The following KL variants were observed in gnomAD, a reference collection of about 807,000 sequenced individuals.
The protein encoded by KL is klotho.
A neutral mutation model predicts 84.2 loss-of-function variants in KL; 62 were observed. The observed-to-expected ratio is 0.74, with a 90% CI of 0.60 to 0.91. KL has a LOEUF of 0.91. Among genes scored for constraint, KL ranks in the 40% least tolerant of loss-of-function variants. The pLI, the probability that KL is intolerant of heterozygous loss-of-function variation, is 0.00. For synonymous variants in KL, 528 were observed against 528.0 expected (o/e 1.00, Z 0.00); for missense variants, 1,261 against 1,305.7 (o/e 0.97, Z 0.53).
chr13:33,041,749 C>G (rs926482347), intron 1 of KL, among the ~76,000 whole-genome samples: 4 of 152,148 alleles, frequency 2.6e-5, no homozygotes, highest in African/African-American at 9.7e-5. Context: ...TCTACCGCCT[C>G]TGCCCAATCC....
intron 1 of KL, among the ~76,000 whole-genome samples, chr13:33,042,516 A>G (rs929518613): frequency 2.0e-5 from 3 of 152,116 alleles, no homozygotes; most frequent in Non-Finnish European, 4.4e-5. Flanking sequence ...AATCTACACA[A>G]TCTTTTTGAC....
At chr13:33,038,553 A>G (rs1044980273) in intron 1 of KL, among the ~76,000 whole-genome samples, 1 of 152,228 alleles carries the variant, frequency 6.6e-6, no homozygotes, top group African/African-American at 2.4e-5. Context: ...ATGGTCAAAA[A>G]CATTTTGGTG....
Position 33,016,932 on chromosome 13 carries a change from C to T in KL, c.492C>T (p.Val164=), listed in dbSNP as rs750452520. 1.1e-5 allele frequency: 18 copies of T among 1,609,540 alleles called. No individual in the cohort carries two copies. The South Asian group carries it at 1.8e-4, about 16-fold the overall frequency. ...ARVLPNGSAG[V]PNREGLRYYR... ...TGCTCCCCAATGGCAGCGCGGGCGT[C>T]CCCAACCGCGAGGGGCTGCGCTACT... Residue 164 remains valine (V), a synonymous_variant, in exon 1 of 5, where the codon GTC becomes GTT. Transcript: ENST00000380099.
intron 1 of KL, among the ~76,000 whole-genome samples, chr13:33,037,938 G>A (rs1476402913): frequency 6.6e-6 from 1 of 152,134 alleles, no homozygotes; most frequent in East Asian, 1.9e-4. Context: ...AATGCACCAT[G>A]CTCTTTTTAT....
intron 1 of KL, among the ~76,000 whole-genome samples, chr13:33,026,880 G>T (rs985583852): frequency 6.6e-6 from 1 of 152,154 alleles, no homozygotes; most frequent in Non-Finnish European, 1.5e-5. Flanking sequence ...ATAATATACT[G>T]GTTCTTGCAT....
chr13:33,064,248 C>CATTT lies in KL; in HGVS notation c.*63_*66dup. The CATTT allele has an allele frequency of 8.3e-7, 1 of 1,210,910 alleles. No individual in the cohort carries two copies. Among genetic ancestry groups the CATTT allele is most frequent in the Non-Finnish European group, 1.2e-6 (1 of 837,142 alleles). The allele number at this position is 1,210,910 out of a possible 1,614,324, so 75.0% of individuals were successfully genotyped here. Reference sequence around the variant, plus strand: ...TTATGCAGACACATCAGCTGTTAACCATTTGCACCTCTAAGTGTTGTGAAA... The same window carrying CATTT: ...TTATGCAGACACATCAGCTGTTAACCATTTATTTGCACCTCTAAGTGTTGTGAAA... On this transcript the variant is annotated 3_prime_UTR_variant, in exon 5 of 5. Coordinates refer to ENST00000380099, the MANE Select transcript of KL (RefSeq NM_004795.4).
At chr13:33,017,480 C>T in intron 1 of KL, among the ~76,000 whole-genome samples, 1 of 152,156 alleles carries the variant, frequency 6.6e-6, no homozygotes, top group Non-Finnish European at 1.5e-5. Flanking sequence ...CCCTTGGAGT[C>T]CATCTGTGGA....
At position 33,016,609 on chromosome 13, in the gene KL, T is replaced by C; in HGVS notation, c.169T>C (p.Phe57Leu). 3.9e-6 allele frequency: 6 copies of C among 1,531,106 alleles called. No homozygotes were observed. The highest frequency in any genetic ancestry group is 4.4e-6 in the Non-Finnish European group (5 of 1,137,666). The allele number at this position is 1,531,106 out of a possible 1,614,324, so 94.8% of individuals were successfully genotyped here. ...RPPAPEAAGL[F>L]QGTFPDGFLW... ...TCCTGCCCCCGAGGCCGCGGGCCTC[T>C]TCCAGGGCACCTTCCCCGACGGCTT... Residue 57 changes from phenylalanine to leucine, a missense_variant, in exon 1 of 5, where the codon TTC (phenylalanine) becomes CTC (leucine). Transcript: ENST00000380099.
Position 33,064,189 on chromosome 13 carries a change from C to A in KL, c.*3C>A. ...AAGGCAGAAGAAGTTACAAATAGTT[C>A]TGAACATTTTTCTATTCATTCATTT... On this transcript the variant is annotated 3_prime_UTR_variant, in exon 5 of 5. Transcript: ENST00000380099. 1 of 1,582,534 alleles carries A rather than the reference C, an allele frequency of 6.3e-7. No individual in the cohort carries two copies. The highest frequency in any genetic ancestry group is 1.1e-5 in the South Asian group (1 of 89,660).
intron 1 of KL, among the ~76,000 whole-genome samples, chr13:33,038,104 A>T (rs1408809309): frequency 6.6e-6 from 1 of 152,188 alleles, no homozygotes; most frequent in Non-Finnish European, 1.5e-5. Flanking sequence ...GCAATGGATG[A>T]TTTTGAGCAT....
rs140997229 is a variant in KL, at chr13:33,049,995, C to T, written c.820-3772C>T. Among the ~76,000 whole-genome samples the T allele has an allele frequency of 4.4e-3, 664 of 152,174 alleles. 6 individuals are homozygous for T. The highest frequency in any genetic ancestry group is 0.015 in the African/African-American group (625 of 41,508). On this transcript the variant is annotated intron_variant, in intron 1 of 4. Transcript: ENST00000380099. ...TAAACTCTACTTGCTATTTTATAACCTTTTTCTGTTCAGAGTATTTTAGAA... is the reference window on the plus strand; with the variant it reads ...TAAACTCTACTTGCTATTTTATAACTTTTTTCTGTTCAGAGTATTTTAGAA...
At chr13:33,048,517 C>G (rs1037346965) in intron 1 of KL, among the ~76,000 whole-genome samples, 1 of 152,228 alleles carries the variant, frequency 6.6e-6, no homozygotes, top group Admixed American at 6.5e-5. Flanking sequence ...CTCACAAAAT[C>G]TTGTCCTGTG....
intron 1 of KL, among the ~76,000 whole-genome samples, chr13:33,034,540 C>CAA (rs139240544): frequency 3.4e-5 from 5 of 146,544 alleles, no homozygotes; most frequent in African/African-American, 5.0e-5. Context: ...TGAGTGCCAC[C>CAA]AAAAAAAAAA....
At chr13:33,052,493 G>A (rs182687889) in intron 1 of KL, among the ~76,000 whole-genome samples, 34 of 152,184 alleles carry the variant, frequency 2.2e-4, no homozygotes, top group Admixed American at 9.8e-4. Flanking sequence ...GCTTCAGGTC[G>A]TGAAAAAATA....
At chr13:33,026,149 G>A (rs559968475) in intron 1 of KL, among the ~76,000 whole-genome samples, 2 of 151,968 alleles carry the variant, frequency 1.3e-5, no homozygotes, top group East Asian at 3.9e-4. Context: ...TAGTTCATGG[G>A]TGGGACTGGG....
rs115363972 is a variant in KL, at chr13:33,028,248, A to T, written c.819+10989A>T. 2.2e-3 allele frequency among the ~76,000 whole-genome samples: 329 copies of T among 152,342 alleles called. 1 individual carries two copies. Among genetic ancestry groups the T allele is most frequent in the African/African-American group, 7.2e-3 (300 of 41,574 alleles). On this transcript the variant is annotated intron_variant, in intron 1 of 4. Coordinates refer to ENST00000380099, the MANE Select transcript of KL (RefSeq NM_004795.4). ...ATGGCCTCAGTCAACTGTGCTCCTT[A>T]TAGCAGGAACACTGAGCAGTGCATT... is the stretch of plus-strand genomic sequence containing the variant.
At chr13:33,031,380 A>C (rs1008263279) in intron 1 of KL, among the ~76,000 whole-genome samples, 3 of 152,228 alleles carry the variant, frequency 2.0e-5, no homozygotes, top group Admixed American at 6.5e-5. Context: ...GTGAAAAAGT[A>C]GACTCAACAG....
intron 1 of KL, among the ~76,000 whole-genome samples, chr13:33,051,262 G>T (rs1200672876): frequency 1.3e-5 from 2 of 152,146 alleles, no homozygotes; most frequent in Non-Finnish European, 2.9e-5. Flanking sequence ...GGCCAGGTGC[G>T]GTGGCTCATG....
chr13:33,016,925 C>G lies in KL; in HGVS notation c.485C>G (p.Ala162Gly). 6.2e-7 allele frequency: 1 copy of G among 1,610,344 alleles called. No individual in the cohort carries two copies. The highest frequency in any genetic ancestry group is 8.5e-7 in the Non-Finnish European group (1 of 1,179,240). ...GCGCGAGTGCTCCCCAATGGCAGCG[C>G]GGGCGTCCCCAACCGCGAGGGGCTG... ...SWARVLPNGS[A>G]GVPNREGLRY... Residue 162 changes from alanine (A) to glycine (G), a missense_variant, in exon 1 of 5, where the codon GCG becomes GGG. Transcript: ENST00000380099.
Sources: gnomAD v4.1 joint callset for allele counts (sites outside exome capture counted in the v4.1 genomes callset) on GRCh38, gnomAD v4.1.1 for gene constraint, MANE v1.5 for transcripts, NCBI Gene and HGNC (gene_info 2026-07-23, HGNC 2026-07-21) for gene names.